The following FNDC3A variants were observed in gnomAD, a reference collection of about 807,000 sequenced individuals.
FNDC3A encodes the protein fibronectin type III domain containing 3A.
Under a neutral mutation model 148.9 loss-of-function variants are expected in FNDC3A, and 32 were observed. The ratio of observed to expected loss-of-function variants is 0.21; its 90% CI spans 0.16 to 0.29. The LOEUF is 0.29. Among genes scored for constraint, FNDC3A ranks in the 10% least tolerant of loss-of-function variants. The pLI is 1.00. For missense variants in FNDC3A, 1,191 were observed against 1,452.8 expected (o/e 0.82, Z 2.93); for synonymous variants, 472 against 473.6 (o/e 1.00, Z 0.04).
intron 3 of FNDC3A, among the ~76,000 whole-genome samples, chr13:49,105,291 T>TA: frequency 6.6e-6 from 1 of 152,306 alleles, no homozygotes; most frequent in South Asian, 2.1e-4. Flanking sequence ...CACTATCCTA[T>TA]AAAAACTAAC....
intron 2 of FNDC3A, among the ~76,000 whole-genome samples, chr13:49,021,670 C>T (rs1282728809): frequency 6.6e-6 from 1 of 152,138 alleles, no homozygotes; most frequent in Non-Finnish European, 1.5e-5. Flanking sequence ...CATACTGTTG[C>T]AAGCCTTTGG....
At chr13:49,039,047 C>T (rs1874721032) in intron 2 of FNDC3A, among the ~76,000 whole-genome samples, 1 of 152,122 alleles carries the variant, frequency 6.6e-6, no homozygotes. Flanking sequence ...CACATCTTCT[C>T]ATCTGATAGA....
intron 1 of FNDC3A, among the ~76,000 whole-genome samples, chr13:49,005,771 G>A (rs1952209387): frequency 6.6e-6 from 1 of 151,838 alleles, no homozygotes; most frequent in African/African-American, 2.4e-5. Flanking sequence ...ATTAGTGACA[G>A]TTGCCTCACT....
At chr13:49,028,655 G>A (rs1873898594) in intron 2 of FNDC3A, among the ~76,000 whole-genome samples, 1 of 152,180 alleles carries the variant, frequency 6.6e-6, no homozygotes, top group African/African-American at 2.4e-5. Context: ...CTTTAAGTCA[G>A]AAAAGTTACT....
intron 7 of FNDC3A, among the ~76,000 whole-genome samples, chr13:49,143,666 A>G (rs140318112): frequency 2.8e-4 from 42 of 152,270 alleles, no homozygotes; most frequent in African/African-American, 8.2e-4. Flanking sequence ...AAAATACTTT[A>G]TTTGTGTAAC....
chr13:49,079,189 A>G (rs1248304515), intron 3 of FNDC3A, among the ~76,000 whole-genome samples: 1 of 152,234 alleles, frequency 6.6e-6, no homozygotes, highest in Non-Finnish European at 1.5e-5. Context: ...TGTATAGCAT[A>G]CATTCTGGAA....
chr13:49,134,801 CTTTTTTTTTT>C (rs528015993), intron 5 of FNDC3A, among the ~76,000 whole-genome samples: 4 of 6,178 alleles, frequency 6.5e-4, no homozygotes, highest in African/African-American at 9.1e-4. Flanking sequence ...TTTTCTTTTC[CTTTTTTTTTT>C]TTTTTTTTTT....
chr13:49,092,428 C>T (rs1206056687), intron 3 of FNDC3A, among the ~76,000 whole-genome samples: 1 of 152,144 alleles, frequency 6.6e-6, no homozygotes, highest in African/African-American at 2.4e-5. Flanking sequence ...CATTTTTCTG[C>T]CTTCTTATCT....
At chr13:49,024,101 A>G (rs912039289) in intron 2 of FNDC3A, among the ~76,000 whole-genome samples, 1 of 152,006 alleles carries the variant, frequency 6.6e-6, no homozygotes, top group Non-Finnish European at 1.5e-5. Context: ...ATGAACAACT[A>G]TATGTCAATA....
chr13:49,090,061 G>A (rs1879083855), intron 3 of FNDC3A, among the ~76,000 whole-genome samples: 1 of 152,106 alleles, frequency 6.6e-6, no homozygotes, highest in Non-Finnish European at 1.5e-5. Context: ...CCATGTCCAT[G>A]TGCCAAAGAG....
In FNDC3A at chr13:49,070,892, TTGTTTTG is replaced by T. The variant is rs920786874; in HGVS notation, c.100-4395_100-4389del. Among the ~76,000 whole-genome samples, 22 of 144,378 alleles carry T rather than the reference TTGTTTTG, an allele frequency of 1.5e-4. 1 individual carries two copies. The highest frequency in any genetic ancestry group is 6.9e-3 in the Middle Eastern group (2 of 290). 94.7% of individuals were successfully genotyped at this position (144,378 alleles called of 152,430 possible). A position where few individuals can be genotyped will look rare whatever the true frequency, so the allele number is the denominator to read the frequency against. ...AGATAACAGGATTTCTTTTTTTTTT[TTGTTTTG>T]TTTTTTTTCTTTTTTTTGAGACAGG... On this transcript the variant is annotated intron_variant, in intron 2 of 25. Coordinates refer to ENST00000492622, the MANE Select transcript of FNDC3A (RefSeq NM_001079673.2).
chr13:49,184,531 T>A (rs1885464862), intron 14 of FNDC3A, among the ~76,000 whole-genome samples: 2 of 152,138 alleles, frequency 1.3e-5, no homozygotes, highest in South Asian at 4.1e-4. Context: ...CTCCTTTTTG[T>A]AAGGTCAACC....
At chr13:49,178,831 C>G (rs984543520) in intron 14 of FNDC3A, among the ~76,000 whole-genome samples, 177 bp downstream of exon 14, 2 of 152,096 alleles carry the variant, frequency 1.3e-5, no homozygotes, top group African/African-American at 4.8e-5. Flanking sequence ...CTCCTGGGCT[C>G]AAGTCATCCT....
chr13:49,126,301 T>G (rs1881695809), intron 4 of FNDC3A, among the ~76,000 whole-genome samples: 1 of 152,006 alleles, frequency 6.6e-6, no homozygotes, highest in Admixed American at 6.6e-5. Context: ...AAAACACACA[T>G]AACATAAAAT....
intron 8 of FNDC3A, among the ~76,000 whole-genome samples, chr13:49,153,884 G>A (rs1399722395): frequency 8.1e-6 from 1 of 124,182 alleles, no homozygotes; most frequent in African/African-American, 3.1e-5. Context: ...CTATATCTCT[G>A]TTTTGGTACC....
chr13:49,190,902 A>G, intron 17 of FNDC3A, 113 bp from the exon 18 acceptor site: 1 of 652,152 alleles, frequency 1.5e-6, no homozygotes, highest in Non-Finnish European at 2.6e-6. Flanking sequence ...AATCAAGTAC[A>G]ATTTCAAATT....
At chr13:49,012,634 T>C (rs975950376) in intron 2 of FNDC3A, among the ~76,000 whole-genome samples, 4 of 152,104 alleles carry the variant, frequency 2.6e-5, no homozygotes, top group Admixed American at 6.6e-5. Flanking sequence ...GAGGGAAGAA[T>C]TGGTGGCATC....
At chr13:49,078,758 G>C (rs1171610664) in intron 3 of FNDC3A, among the ~76,000 whole-genome samples, 2 of 152,190 alleles carry the variant, frequency 1.3e-5, no homozygotes, top group African/African-American at 4.8e-5. Context: ...TCGTGGACTA[G>C]CTCTGGATCT....
intron 2 of FNDC3A, among the ~76,000 whole-genome samples, chr13:49,013,065 C>G (rs1380159997): frequency 6.6e-6 from 1 of 152,164 alleles, no homozygotes; most frequent in East Asian, 1.9e-4. Context: ...CCAGTAATCC[C>G]AGCATTTTGG....
Sources: gnomAD v4.1 joint callset for allele counts (sites outside exome capture counted in the v4.1 genomes callset) on GRCh38, gnomAD v4.1.1 for gene constraint, MANE v1.5 for transcripts, NCBI Gene and HGNC (gene_info 2026-07-23, HGNC 2026-07-21) for gene names.